GPHN: variants seen among roughly 807,000 people sequenced by gnomAD.
The protein encoded by GPHN is gephyrin.
Under a neutral mutation model 95.5 loss-of-function variants are expected in GPHN, and 17 were observed. The ratio of observed to expected loss-of-function variants is 0.18; its 90% CI spans 0.12 to 0.27. The LOEUF is 0.27. Among genes scored for constraint, GPHN ranks in the 10% least tolerant of loss-of-function variants. The pLI is 1.00. For synonymous variants in GPHN, 320 were observed against 322.5 expected (o/e 0.99, Z 0.08); for missense variants, 660 against 978.1 (o/e 0.67, Z 4.34).
intron 1 of GPHN, among the ~76,000 whole-genome samples, chr14:66,661,853 A>C (rs2065676835): frequency 1.3e-5 from 2 of 152,150 alleles, no homozygotes; most frequent in South Asian, 4.1e-4. Flanking sequence ...GCCCACGCCC[A>C]CCAGGGCAGA....
At chr14:67,330,711 G>T in the GPHN span, among the ~76,000 whole-genome samples, 1 of 151,876 alleles carries the variant, frequency 6.6e-6, no homozygotes, top group Admixed American at 6.6e-5. Flanking sequence ...ACCTGCCTCA[G>T]CCTTCCAAAG....
intron 11 of GPHN, among the ~76,000 whole-genome samples, chr14:67,059,744 G>A (rs1012754997): frequency 2.0e-5 from 3 of 152,078 alleles, no homozygotes; most frequent in South Asian, 2.1e-4. Context: ...TAGCTCTTTC[G>A]TCTGTGTCCC....
chr14:66,691,177 A>G (rs890942904), intron 2 of GPHN, among the ~76,000 whole-genome samples: 3 of 151,868 alleles, frequency 2.0e-5, no homozygotes. Context: ...CACTGTCTCT[A>G]CAATTTTTAT....
At chr14:67,732,901 T>C in the GPHN span, among the ~76,000 whole-genome samples, 2 of 152,112 alleles carry the variant, frequency 1.3e-5, no homozygotes, top group Admixed American at 1.3e-4. Context: ...TTTCTTCTTT[T>C]ATCAGCACTG....
the GPHN span, among the ~76,000 whole-genome samples, chr14:67,596,522 T>A: frequency 2.0e-5 from 3 of 152,202 alleles, no homozygotes; most frequent in South Asian, 6.2e-4. Flanking sequence ...TTGGACTGCA[T>A]TCCTTGAGGG....
At chr14:66,795,284 A>G (rs1361211658) in intron 3 of GPHN, among the ~76,000 whole-genome samples, 1 of 152,122 alleles carries the variant, frequency 6.6e-6, no homozygotes, top group African/African-American at 2.4e-5. Flanking sequence ...TGGTGCTTTC[A>G]TGATAATCTA....
intron 1 of GPHN, among the ~76,000 whole-genome samples, chr14:66,606,564 C>T (rs893975687): frequency 7.2e-5 from 11 of 152,032 alleles, no homozygotes; most frequent in Non-Finnish European, 1.5e-5. Context: ...ATTGCTTTGA[C>T]CAGTATGGCC....
intron 1 of GPHN, among the ~76,000 whole-genome samples, chr14:66,623,371 A>AC (rs947115275): frequency 6.6e-6 from 1 of 152,098 alleles, no homozygotes; most frequent in Non-Finnish European, 1.5e-5. Context: ...ACACAGCCAA[A>AC]CCATATCAGC....
At chr14:66,877,156 TACAGA>T (rs1469668957) in intron 4 of GPHN, among the ~76,000 whole-genome samples, 1 of 152,166 alleles carries the variant, frequency 6.6e-6, no homozygotes, top group African/African-American at 2.4e-5. Context: ...TCTCAACAGA[TACAGA>T]AAAGTCCTCC....
At chr14:66,687,485 G>GTTTTTTTT (rs1468240848) in intron 2 of GPHN, among the ~76,000 whole-genome samples, 1 of 143,750 alleles carries the variant, frequency 7.0e-6, no homozygotes, top group Non-Finnish European at 1.5e-5. Context: ...TATTTTATTT[G>GTTTTTTTT]GTTTTTTTTT....
the GPHN span, among the ~76,000 whole-genome samples, chr14:67,428,709 C>T: frequency 6.6e-6 from 1 of 152,260 alleles, no homozygotes; most frequent in Non-Finnish European, 1.5e-5. Context: ...CAAGGCCAGA[C>T]CCTCACCCTA....
At chr14:67,559,503 A>T in the GPHN span, 1 of 700,314 alleles carries the variant, frequency 1.4e-6, no homozygotes, top group Non-Finnish European at 2.6e-6. Context: ...TGGCTTTGCG[A>T]GGTCAGTGGC....
At chr14:67,059,135 T>TATG (rs1474457903) in intron 11 of GPHN, 1 of 321,930 alleles carries the variant, frequency 3.1e-6, no homozygotes, top group South Asian at 8.3e-5. Flanking sequence ...TCTGAGTCTG[T>TATG]ATGATGTCCT....
Position 66,871,930 on chromosome 14 carries a change from T to G in GPHN, c.295-8009T>G, listed in dbSNP as rs574391491. On this transcript the variant is annotated intron_variant, in intron 4 of 22. Coordinates refer to ENST00000478722, the MANE Select transcript of GPHN (RefSeq NM_020806.5). ...CATTCTGCACATGTATACCGGAGCT[T>G]AAAGTAAAATTTAAAAAAAAATTTA... 5.3e-5 allele frequency among the ~76,000 whole-genome samples: 8 copies of G among 152,264 alleles called. No homozygotes were observed. The East Asian group carries it at 1.5e-3, about 29-fold the overall frequency.
At chr14:67,236,933 C>CA in the GPHN span, among the ~76,000 whole-genome samples, 3 of 151,222 alleles carry the variant, frequency 2.0e-5, no homozygotes, top group South Asian at 4.2e-4. Flanking sequence ...ACTAAAAATT[C>CA]AAAAAAAATT....
intron 2 of GPHN, among the ~76,000 whole-genome samples, chr14:66,757,353 C>CACACACAT (rs144035989): frequency 6.6e-6 from 1 of 151,550 alleles, no homozygotes; most frequent in Non-Finnish European, 1.5e-5. Context: ...CACGCACACA[C>CACACACAT]ACACACACAA....
At chr14:66,846,132 C>G (rs181535430) in intron 4 of GPHN, among the ~76,000 whole-genome samples, 2 of 152,258 alleles carry the variant, frequency 1.3e-5, no homozygotes, top group Admixed American at 1.3e-4. Flanking sequence ...GATAAGTTCT[C>G]ATTTGTTAAT....
At chr14:66,896,570 CCA>C (rs1378654580) in intron 5 of GPHN, among the ~76,000 whole-genome samples, 1 of 152,042 alleles carries the variant, frequency 6.6e-6, no homozygotes, top group Non-Finnish European at 1.5e-5. Flanking sequence ...CATGGTTGTG[CCA>C]CTGCACTCGC....
At chr14:67,614,170 C>T in the GPHN span, among the ~76,000 whole-genome samples, 1 of 152,132 alleles carries the variant, frequency 6.6e-6, no homozygotes, top group East Asian at 1.9e-4. Flanking sequence ...CTCCTGGGCT[C>T]AAGCAATCTT....
Sources: allele counts gnomAD v4.1 joint callset (sites outside exome capture counted in the v4.1 genomes callset), GRCh38; gene constraint gnomAD v4.1.1; transcripts MANE v1.5; gene names NCBI Gene and HGNC (gene_info 2026-07-23, HGNC 2026-07-21).